GALM: variants seen among roughly 807,000 people sequenced by gnomAD.
GALM encodes galactose mutarotase, also known as aldose 1-epimerase.
In GALM, 43 loss-of-function variants were observed where a neutral mutation model predicts 37.4. The ratio of observed to expected loss-of-function variants is 1.15; its 90% CI spans 0.90 to 1.48. GALM has a LOEUF of 1.48. GALM is among the 40% of genes most tolerant of loss of function. The probability of loss-of-function intolerance (pLI) is 0.00; values close to 1 mark genes in which losing one functional copy is unlikely to be tolerated. For synonymous variants in GALM, 199 were observed against 170.6 expected (o/e 1.17, Z -1.30); for missense variants, 456 against 419.1 (o/e 1.09, Z -0.77).
At chr2:38,726,767 G>C (rs1324482137) in intron 4 of GALM, among the ~76,000 whole-genome samples, 1 of 151,846 alleles carries the variant, frequency 6.6e-6, no homozygotes, top group African/African-American at 2.4e-5. Context: ...GTGGTGGCAG[G>C]CACCTGTAAT....
chr2:38,719,655 A>G (rs1295969314), intron 4 of GALM, among the ~76,000 whole-genome samples: 4 of 150,426 alleles, frequency 2.7e-5, no homozygotes, highest in Non-Finnish European at 5.9e-5. Flanking sequence ...GGCACCTATA[A>G]TCTCAGCTAC....
chr2:38,681,200 C>A, intron 2 of GALM, 80 bp from the exon 3 acceptor site: 2 of 1,086,808 alleles, frequency 1.8e-6, no homozygotes, highest in Non-Finnish European at 2.8e-6. Context: ...CTTGTGAAAT[C>A]AGTTGTCTTT....
rs1434716957 is a variant in GALM at position 38,694,769 on chromosome 2, C to T, written c.634+4875C>T. On this transcript the variant is annotated intron_variant, in intron 4 of 6. Coordinates refer to ENST00000272252, the MANE Select transcript of GALM (RefSeq NM_138801.3). ...AAAATTAGCCAGGCGTGGTGGCAGG[C>T]GCCTATAGTCCCAGCTACTCGGCAG... Among the ~76,000 whole-genome samples the T allele has an allele frequency of 5.3e-5, 8 of 151,784 alleles. No individual in the cohort carries two copies. In the South Asian group the frequency reaches 6.3e-4, roughly 12 times the overall value.
intron 4 of GALM, among the ~76,000 whole-genome samples, chr2:38,692,540 C>T (rs1017500619): frequency 6.6e-6 from 1 of 152,152 alleles, no homozygotes; most frequent in African/African-American, 2.4e-5. Context: ...TGTGAGCCAC[C>T]ATGCTGGTCC....
At chr2:38,684,175 AAG>A (rs1665469220) in intron 3 of GALM, among the ~76,000 whole-genome samples, 1 of 152,140 alleles carries the variant, frequency 6.6e-6, no homozygotes, top group Admixed American at 6.5e-5. Context: ...TAAATTTAAT[AAG>A]TGGTATTTTT....
At chr2:38,678,032 T>G (rs1665302154) in intron 2 of GALM, among the ~76,000 whole-genome samples, 1 of 151,738 alleles carries the variant, frequency 6.6e-6, no homozygotes, top group Non-Finnish European at 1.5e-5. Flanking sequence ...TTTTTTTTTT[T>G]TGAGGCAGAG....
At chr2:38,733,406 A>C in intron 6 of GALM, 82 bp from the exon 7 acceptor site, 2 of 1,131,770 alleles carry the variant, frequency 1.8e-6, no homozygotes, top group South Asian at 2.5e-5. Context: ...ACTGGTCTAG[A>C]AGCCCGTCCA....
intron 4 of GALM, among the ~76,000 whole-genome samples, chr2:38,694,195 A>T (rs1665749462): frequency 6.6e-6 from 1 of 152,140 alleles, no homozygotes; most frequent in Non-Finnish European, 1.5e-5. Flanking sequence ...AAAAAGAAGA[A>T]GATTTGGGAG....
chr2:38,684,329 T>G (rs1278009449), intron 3 of GALM, among the ~76,000 whole-genome samples: 1 of 152,186 alleles, frequency 6.6e-6, no homozygotes, highest in East Asian at 1.9e-4. Context: ...TATTTTTCTG[T>G]TCCTTCCTGT....
intron 4 of GALM, among the ~76,000 whole-genome samples, chr2:38,694,912 ACAAAAAAAGAAAGGG>A: frequency 6.9e-6 from 1 of 145,854 alleles, no homozygotes; most frequent in African/African-American, 2.7e-5. Context: ...AAAAAAAAAA[ACAAAAAAAGAAAGGG>A]AAAGTCAAGG....
chr2:38,697,723 T>C (rs564189670), intron 4 of GALM, among the ~76,000 whole-genome samples: 26 of 152,262 alleles, frequency 1.7e-4, no homozygotes, highest in Admixed American at 4.6e-4. Flanking sequence ...CTCCATTTTG[T>C]TAGTAACCCA....
intron 5 of GALM, 93 bp downstream of exon 5, chr2:38,729,790 A>C: frequency 1.9e-6 from 2 of 1,055,216 alleles, no homozygotes; most frequent in South Asian, 2.8e-5. Flanking sequence ...TATCAATAGC[A>C]TTTACTATGC....
chr2:38,696,635 AT>A (rs998310769), intron 4 of GALM, among the ~76,000 whole-genome samples: 1 of 148,330 alleles, frequency 6.7e-6, no homozygotes, highest in Non-Finnish European at 1.5e-5. Context: ...CTCAACATGG[AT>A]TTTTTTTTCT....
chr2:38,682,952 C>A (rs1665433658), intron 3 of GALM, among the ~76,000 whole-genome samples: 1 of 150,766 alleles, frequency 6.6e-6, no homozygotes, highest in Non-Finnish European at 1.5e-5. Flanking sequence ...AAAACAAAAA[C>A]CCTCAGACCT....
chr2:38,718,404 A>G (rs915589990), intron 4 of GALM, among the ~76,000 whole-genome samples: 4 of 150,260 alleles, frequency 2.7e-5, no homozygotes, highest in Non-Finnish European at 5.9e-5. Context: ...TCGCTATGTT[A>G]GCCAGCCTGG....
chr2:38,718,711 G>GCAGGAA (rs1441601583), intron 4 of GALM, among the ~76,000 whole-genome samples: 6 of 151,736 alleles, frequency 4.0e-5, no homozygotes, highest in Non-Finnish European at 7.4e-5. Flanking sequence ...ACTGGGTTGT[G>GCAGGAA]TGAAGATGGG....
intron 6 of GALM, 51 bp downstream of exon 6, chr2:38,731,960 T>G (rs762996756): frequency 7.0e-7 from 1 of 1,423,062 alleles, no homozygotes. Flanking sequence ...AAGGTCACAC[T>G]GTACGACAGA....
chr2:38,686,241 TTTC>T (rs1558582049), intron 3 of GALM, among the ~76,000 whole-genome samples: 44 of 93,608 alleles, frequency 4.7e-4, no homozygotes, highest in African/African-American at 2.6e-3. Context: ...TCTTTCTTTC[TTTC>T]TTTCTTTCTT....
chr2:38,733,180 C>T (rs1051520325), intron 6 of GALM, among the ~76,000 whole-genome samples: 8 of 150,284 alleles, frequency 5.3e-5, no homozygotes, highest in African/African-American at 2.0e-4. Context: ...GAGATCGCCC[C>T]ACTGCACTCC....
Sources: allele counts gnomAD v4.1 joint callset (sites outside exome capture counted in the v4.1 genomes callset), GRCh38; gene constraint gnomAD v4.1.1; transcripts MANE v1.5; gene names NCBI Gene and HGNC (gene_info 2026-07-23, HGNC 2026-07-21).